CTNNA2: variants seen among roughly 807,000 people sequenced by gnomAD.
CTNNA2 encodes the protein catenin alpha 2, also known as catenin alpha-2.
Under a neutral mutation model 101.0 loss-of-function variants are expected in CTNNA2, and 42 were observed. The ratio of observed to expected loss-of-function variants is 0.42; its 90% confidence interval spans 0.32 to 0.54. CTNNA2 has a LOEUF of 0.54. CTNNA2 is among the 20% of genes least tolerant of loss of function. The pLI, the probability that CTNNA2 is intolerant of heterozygous loss-of-function variation, is 0.14. For missense variants in CTNNA2, 871 were observed against 1,223.1 expected (o/e 0.71, Z 4.29); for synonymous variants, 450 against 456.4 (o/e 0.99, Z 0.18).
chr2:79,962,342 GAGGGCATCTAATCGT>G (rs1158929666), intron 7 of CTNNA2, among the ~76,000 whole-genome samples: 1 of 152,200 alleles, frequency 6.6e-6, no homozygotes, highest in African/African-American at 2.4e-5. Flanking sequence ...CCTCTTTTAG[GAGGGCATCTAATCGT>G]ATTATTCATG....
intron 2 of CTNNA2, among the ~76,000 whole-genome samples, chr2:79,296,061 T>C (rs1450861739): frequency 6.6e-6 from 1 of 152,060 alleles, no homozygotes; most frequent in Non-Finnish European, 1.5e-5. Flanking sequence ...AAATAGTAAA[T>C]AGTAGGGCTT....
At chr2:79,451,089 A>G (rs1437935436) in intron 4 of CTNNA2, among the ~76,000 whole-genome samples, 2 of 152,124 alleles carry the variant, frequency 1.3e-5, no homozygotes, top group Non-Finnish European at 2.9e-5. Context: ...AGACATGGGG[A>G]GAATGTGCAA....
chr2:79,334,083 T>C (rs969632471), intron 3 of CTNNA2, among the ~76,000 whole-genome samples: 2 of 152,140 alleles, frequency 1.3e-5, no homozygotes, highest in African/African-American at 4.8e-5. Flanking sequence ...GTCTTTGTGT[T>C]GGGGACGTTC....
At chr2:79,713,473 C>G (rs1300071115) in intron 2 of CTNNA2, among the ~76,000 whole-genome samples, 1 of 152,220 alleles carries the variant, frequency 6.6e-6, no homozygotes, top group Middle Eastern at 3.4e-3. Flanking sequence ...CATTAAGAAC[C>G]TGTTCTGTGC....
Position 80,370,421 on chromosome 2 carries a change from A to G in CTNNA2, c.1057-22790A>G, listed in dbSNP as rs540989630. Among the ~76,000 whole-genome samples the G allele has an allele frequency of 6.6e-5, 10 of 152,280 alleles. No homozygotes were observed. In the South Asian group the frequency reaches 2.1e-3, roughly 32 times the overall value. ...ATATAAATATTGTTCAAAATGTTTA[A>G]TATAGACTATTGTGTAACTTTAAAT... On this transcript the variant is annotated intron_variant, in intron 7 of 18. Transcript: ENST00000402739.
intron 1 of CTNNA2, among the ~76,000 whole-genome samples, chr2:79,197,646 C>T (rs1347220864): frequency 6.6e-6 from 1 of 152,170 alleles, no homozygotes; most frequent in Non-Finnish European, 1.5e-5. Context: ...TATTTGAAAT[C>T]CTTGAGAAAT....
At chr2:79,676,057 G>T (rs1683164344) in intron 2 of CTNNA2, among the ~76,000 whole-genome samples, 1 of 152,144 alleles carries the variant, frequency 6.6e-6, no homozygotes, top group African/African-American at 2.4e-5. Flanking sequence ...TGACCCAGCT[G>T]GTCCCAGCTC....
At chr2:80,221,051 T>G (rs111457217) in intron 7 of CTNNA2, among the ~76,000 whole-genome samples, 1 of 152,106 alleles carries the variant, frequency 6.6e-6, no homozygotes, top group African/African-American at 2.4e-5. Context: ...CCGGGCTAAT[T>G]TTGGTGTTTG....
chr2:79,951,533 T>C (rs1380435147), intron 7 of CTNNA2, among the ~76,000 whole-genome samples: 2 of 151,890 alleles, frequency 1.3e-5, no homozygotes, highest in African/African-American at 4.8e-5. Context: ...GGCATGGTGG[T>C]GTGCACTTGT....
intron 7 of CTNNA2, among the ~76,000 whole-genome samples, chr2:80,150,309 T>C (rs968195283): frequency 2.0e-5 from 3 of 152,126 alleles, no homozygotes; most frequent in African/African-American, 4.8e-5. Context: ...TTACATCCTC[T>C]CAGGGACCCT....
rs1558567383 is a variant in CTNNA2 at position 79,187,264 on chromosome 2, TCTTTTC to T, written c.-524+1834_-524+1839del. Among the ~76,000 whole-genome samples the T allele has an allele frequency of 7.0e-3, 799 of 114,694 alleles. 11 individuals are homozygous for T. The highest frequency in any genetic ancestry group is 0.045 in the East Asian group (185 of 4,124). 75.2% of individuals were successfully genotyped at this position (114,694 alleles called of 152,430 possible). A position where few individuals can be genotyped will look rare whatever the true frequency, so the allele number is the denominator to read the frequency against. On this transcript the variant is annotated intron_variant, in intron 1 of 21. Coordinates refer to the CTNNA2 transcript ENST00000466387. ...TCTTTTCTTTTCTTTTCTTTTCTTT[TCTTTTC>T]TTTTTTTTTTTTTTTTTGAGACAGA...
Position 79,949,018 on chromosome 2 carries a change from T to C in CTNNA2, c.1056+39221T>C, listed in dbSNP as rs192816770. Among the ~76,000 whole-genome samples, 3 of 152,160 alleles carry C rather than the reference T, an allele frequency of 2.0e-5. No homozygotes were observed. In the East Asian group the frequency reaches 5.8e-4, roughly 29 times the overall value. On this transcript the variant is annotated intron_variant, in intron 7 of 18. Coordinates refer to ENST00000402739, the MANE Select transcript of CTNNA2 (RefSeq NM_001282597.3). ...ATAAATGGATAAATAAATAAATAAA[T>C]TTAACCTGTCAGCCTGATAATCCCT...
intron 7 of CTNNA2, among the ~76,000 whole-genome samples, chr2:80,389,888 G>A (rs1437547724): frequency 2.0e-5 from 3 of 152,042 alleles, no homozygotes; most frequent in African/African-American, 7.3e-5. Context: ...GAGAAACCCA[G>A]GATCACAAAT....
chr2:79,712,666 A>G (rs966383349), intron 2 of CTNNA2, among the ~76,000 whole-genome samples: 1 of 152,174 alleles, frequency 6.6e-6, no homozygotes, highest in Non-Finnish European at 1.5e-5. Context: ...AAAAAAAATT[A>G]TAGTCAGGTA....
Position 80,023,953 on chromosome 2 carries a change from G to A in CTNNA2, c.1056+114156G>A, listed in dbSNP as rs1429089421. ...ATACAAAAAATTAGCCGGGCGTGGTGGTGGGCGCCTGTAGTCCCAGCTACT... is the reference window on the plus strand; with the variant it reads ...ATACAAAAAATTAGCCGGGCGTGGTAGTGGGCGCCTGTAGTCCCAGCTACT... On this transcript the variant is annotated intron_variant, in intron 7 of 18. Transcript: ENST00000402739. Among the ~76,000 whole-genome samples, 4 of 152,086 alleles carry A rather than the reference G, an allele frequency of 2.6e-5. 1 individual carries two copies. The East Asian group carries it at 5.8e-4, about 22-fold the overall frequency.
intron 6 of CTNNA2, among the ~76,000 whole-genome samples, chr2:79,902,207 G>A (rs780869216): frequency 1.3e-5 from 2 of 152,114 alleles, no homozygotes; most frequent in African/African-American, 2.4e-5. Flanking sequence ...GATTAGCATC[G>A]TGCATGCAGA....
chr2:80,067,800 G>A (rs1457882669), intron 7 of CTNNA2, among the ~76,000 whole-genome samples: 5 of 152,170 alleles, frequency 3.3e-5, no homozygotes, highest in Non-Finnish European at 5.9e-5. Context: ...CTCAAGCAAA[G>A]CTGTGCAGAC....
intron 7 of CTNNA2, among the ~76,000 whole-genome samples, chr2:80,213,887 T>G (rs925580877): frequency 6.6e-6 from 1 of 152,202 alleles, no homozygotes; most frequent in Non-Finnish European, 1.5e-5. Flanking sequence ...GCTTTATGAA[T>G]CTGGGTGCTC....
intron 2 of CTNNA2, among the ~76,000 whole-genome samples, chr2:79,227,879 C>T (rs758841510): frequency 1.2e-4 from 18 of 152,164 alleles, no homozygotes; most frequent in Non-Finnish European, 2.5e-4. Flanking sequence ...GCATAGTACC[C>T]ACCAAGTGGT....
Sources: gnomAD v4.1 joint callset for allele counts (sites outside exome capture counted in the v4.1 genomes callset) on GRCh38, gnomAD v4.1.1 for gene constraint, MANE v1.5 for transcripts, NCBI Gene and HGNC (gene_info 2026-07-23, HGNC 2026-07-21) for gene names.